ZNF385D: variants seen among roughly 807,000 people sequenced by gnomAD.
ZNF385D encodes the protein zinc finger protein 385D, also known as zinc finger protein 659.
In ZNF385D, 15 loss-of-function variants were observed where a neutral mutation model predicts 35.8. The ratio of observed to expected loss-of-function variants is 0.42; its 90% CI spans 0.28 to 0.64. ZNF385D has a LOEUF of 0.64. Among genes scored for constraint, ZNF385D ranks in the 30% least tolerant of loss-of-function variants. The probability of loss-of-function intolerance (pLI) is 0.23; values close to 1 mark genes in which losing one functional copy is unlikely to be tolerated. For missense variants in ZNF385D, 474 were observed against 494.6 expected, an observed-to-expected ratio of 0.96 and a Z score of 0.39; for synonymous variants, 212 against 186.8, an observed-to-expected ratio of 1.13 and a Z score of -1.10.
At chr3:22,001,156 C>T (rs188109141) in intron 3 of ZNF385D, among the ~76,000 whole-genome samples, 5 of 151,968 alleles carry the variant, frequency 3.3e-5, no homozygotes, top group Non-Finnish European at 7.4e-5. Flanking sequence ...CAATAATCGT[C>T]TTGAATATAA....
At chr3:22,264,717 G>A (rs1257412966) in intron 2 of ZNF385D, among the ~76,000 whole-genome samples, 1 of 151,916 alleles carries the variant, frequency 6.6e-6, no homozygotes, top group Non-Finnish European at 1.5e-5. Flanking sequence ...ACACCAATTA[G>A]GTGATTAATG....
At chr3:21,800,858 T>C (rs929806595) in intron 3 of ZNF385D, among the ~76,000 whole-genome samples, 1 of 152,280 alleles carries the variant, frequency 6.6e-6, no homozygotes, top group Non-Finnish European at 1.5e-5. Flanking sequence ...TGTATACTTT[T>C]GTTTCTTTTT....
In ZNF385D at chr3:22,000,934, G is replaced by T. The variant is rs535044047; in HGVS notation, c.325+167883C>A. 4.0e-5 allele frequency among the ~76,000 whole-genome samples: 6 copies of T among 151,216 alleles called. No homozygotes were observed. The East Asian group carries it at 1.2e-3, about 29-fold the overall frequency. ...TTTTTTCTACATCAGGAAGTGTAAGGAAAATTATCTGCCATCATAAAAATA... is the reference window on the plus strand; with the variant it reads ...TTTTTTCTACATCAGGAAGTGTAAGTAAAATTATCTGCCATCATAAAAATA... On this transcript the variant is annotated intron_variant, in intron 3 of 5. Coordinates refer to the ZNF385D transcript ENST00000494108.
chr3:21,538,974 T>TA (rs949977652), intron 3 of ZNF385D, among the ~76,000 whole-genome samples: 2 of 152,096 alleles, frequency 1.3e-5, no homozygotes, highest in Non-Finnish European at 2.9e-5. Flanking sequence ...GTTTCATGTA[T>TA]AAAAAACCAT....
At chr3:21,759,197 A>G (rs1348756683) in intron 3 of ZNF385D, among the ~76,000 whole-genome samples, 1 of 152,050 alleles carries the variant, frequency 6.6e-6, no homozygotes, top group Non-Finnish European at 1.5e-5. Flanking sequence ...GTAAAAGATG[A>G]TATTATGAAG....
intron 3 of ZNF385D, among the ~76,000 whole-genome samples, chr3:21,997,192 T>C (rs1208958564): frequency 6.6e-6 from 1 of 152,148 alleles, no homozygotes; most frequent in African/African-American, 2.4e-5. Context: ...GTTCATGCCC[T>C]TTGTAGGGAC....
intron 2 of ZNF385D, among the ~76,000 whole-genome samples, chr3:21,664,421 G>T (rs1453697066): frequency 6.6e-6 from 1 of 152,170 alleles, no homozygotes; most frequent in Non-Finnish European, 1.5e-5. Flanking sequence ...TGGGAAGAAA[G>T]TGCTGTATAC....
intron 2 of ZNF385D, among the ~76,000 whole-genome samples, chr3:22,300,003 A>G (rs985667912): frequency 6.6e-6 from 1 of 152,008 alleles, no homozygotes; most frequent in African/African-American, 2.4e-5. Flanking sequence ...GAGCCAAAGC[A>G]ATCTTGAGCA....
At chr3:21,829,429 T>A (rs1024621526) in intron 3 of ZNF385D, among the ~76,000 whole-genome samples, 1 of 152,018 alleles carries the variant, frequency 6.6e-6, no homozygotes, top group African/African-American at 2.4e-5. Context: ...AAAAGGCCAT[T>A]GTAGTAGTGG....
intron 3 of ZNF385D, among the ~76,000 whole-genome samples, chr3:22,091,965 A>G (rs1383563158): frequency 6.6e-6 from 1 of 152,164 alleles, no homozygotes; most frequent in African/African-American, 2.4e-5. Flanking sequence ...GACTGTTGGG[A>G]CTGTGTCACC....
chr3:22,274,664 AT>A (rs11331775), intron 2 of ZNF385D, among the ~76,000 whole-genome samples: 84,131 of 151,594 alleles, frequency 0.55, 25,355 homozygotes, highest in African/African-American at 0.81. Context: ...ATTTTAGTAA[AT>A]TTTTTAAAAA....
intron 3 of ZNF385D, among the ~76,000 whole-genome samples, chr3:21,784,099 G>C (rs553214066): frequency 6.6e-6 from 1 of 152,256 alleles, no homozygotes; most frequent in Admixed American, 6.5e-5. Context: ...CCTGTAAGAA[G>C]TTTGTCATTT....
At chr3:22,330,880 CA>C (rs1694900909) in intron 2 of ZNF385D, among the ~76,000 whole-genome samples, 1 of 152,206 alleles carries the variant, frequency 6.6e-6, no homozygotes, top group Non-Finnish European at 1.5e-5. Flanking sequence ...AACCTATCTC[CA>C]AATTTAGATT....
chr3:21,683,674 C>A (rs777381943), intron 1 of ZNF385D, among the ~76,000 whole-genome samples: 2 of 149,750 alleles, frequency 1.3e-5, no homozygotes, highest in African/African-American at 4.9e-5. Context: ...TGTTCAAAAG[C>A]GAAGAGCATT....
At chr3:21,631,094 T>G (rs556689375) in intron 2 of ZNF385D, among the ~76,000 whole-genome samples, 52 of 152,130 alleles carry the variant, frequency 3.4e-4, no homozygotes, top group African/African-American at 1.2e-3. Context: ...TTACCCTGTG[T>G]GGGCCTGGGT....
intron 3 of ZNF385D, among the ~76,000 whole-genome samples, chr3:22,122,662 G>C (rs1423606405): frequency 6.6e-6 from 1 of 152,104 alleles, no homozygotes; most frequent in African/African-American, 2.4e-5. Flanking sequence ...TTCTATGGAA[G>C]AAAGAAGAAC....
chr3:22,083,552 A>G (rs1231773631), intron 3 of ZNF385D, among the ~76,000 whole-genome samples: 1 of 152,202 alleles, frequency 6.6e-6, no homozygotes, highest in East Asian at 1.9e-4. Flanking sequence ...AAAATAAATG[A>G]ACAAAGCCTC....
chr3:21,868,324 C>T (rs902586673), intron 3 of ZNF385D, among the ~76,000 whole-genome samples: 3 of 151,954 alleles, frequency 2.0e-5, no homozygotes, highest in Non-Finnish European at 4.4e-5. Flanking sequence ...GCCTATGGGC[C>T]ATATTTAAAG....
chr3:21,734,630 C>T (rs1269526867), intron 1 of ZNF385D, among the ~76,000 whole-genome samples: 1 of 151,906 alleles, frequency 6.6e-6, no homozygotes, highest in African/African-American at 2.4e-5. Flanking sequence ...AGGGCTGGAC[C>T]TCAGGATGAG....
Sources: gnomAD v4.1 joint callset for allele counts (sites outside exome capture counted in the v4.1 genomes callset) on GRCh38, gnomAD v4.1.1 for gene constraint, MANE v1.5 for transcripts, NCBI Gene and HGNC (gene_info 2026-07-23, HGNC 2026-07-21) for gene names.